The following CILP2 variants were observed in gnomAD, a reference collection of about 807,000 sequenced individuals.
CILP2 encodes the protein cartilage intermediate layer protein 2.
A neutral mutation model predicts 45.6 loss-of-function variants in CILP2; 38 were observed. The ratio of observed to expected loss-of-function variants is 0.83; its 90% CI spans 0.64 to 1.09. CILP2 has a LOEUF of 1.09. CILP2 is among the 50% of genes least tolerant of loss of function. The pLI, the probability that CILP2 is intolerant of heterozygous loss-of-function variation, is 0.00. For synonymous variants in CILP2, 780 were observed against 723.5 expected (o/e 1.08, Z -1.25); for missense variants, 1,735 against 1,662.2 (o/e 1.04, Z -0.76).
rs542758496 is a variant in CILP2, at chr19:19,539,693, G to A, written c.79G>A (p.Glu27Lys). The change falls in exon 2 of 8, where the codon GAG (glutamate) becomes AAG (lysine). Residue 27 changes from glutamate to lysine, a missense_variant. Physicochemically the swap from Glu to Lys is moderately conservative, Grantham distance 56. Coordinates refer to ENST00000291495, the MANE Select transcript of CILP2 (RefSeq NM_153221.2). ...CTCACCCACAGACGCCACCCCCACC[G>A]AGGAGCCAATGGCGACTGCACTGGG... is the stretch of plus-strand genomic sequence containing the variant. ...LAGARDATPT[E>K]EPMATALGLE... 3.0e-5 allele frequency: 48 copies of A among 1,591,430 alleles called. No individual in the cohort carries two copies. The highest frequency in any genetic ancestry group is 2.3e-4 in the East Asian group (10 of 42,714).
intron 4 of CILP2, 80 bp downstream of exon 4, chr19:19,541,326 G>A (rs1248106193): frequency 1.7e-6 from 2 of 1,188,698 alleles, no homozygotes; most frequent in Non-Finnish European, 2.1e-6. Flanking sequence ...TGGGAGAGAG[G>A]GTGGAGTTAG....
At chr19:19,539,799 T>A in intron 2 of CILP2, 22 bp downstream of exon 2, 1 of 1,543,968 alleles carries the variant, frequency 6.5e-7, no homozygotes. Flanking sequence ...TGCCTCGGAG[T>A]CCCGTCTCTG....
intron 3 of CILP2, chr19:19,540,858 C>T (rs1242787744): frequency 7.2e-6 from 3 of 417,562 alleles, no homozygotes; most frequent in African/African-American, 2.0e-5. Flanking sequence ...AGGACTGATC[C>T]CCGGGACCTT....
intron 5 of CILP2, 51 bp from the exon 6 acceptor site, chr19:19,542,813 C>T: frequency 6.4e-7 from 1 of 1,568,608 alleles, no homozygotes; most frequent in Non-Finnish European, 8.8e-7. Context: ...GACGTTGCTC[C>T]TAGGAAGGGT....
At chr19:19,542,266 T>G (rs2061247200) in intron 4 of CILP2, 109 bp from the exon 5 acceptor site, 4 of 1,316,014 alleles carry the variant, frequency 3.0e-6, no homozygotes, top group Non-Finnish European at 4.1e-6. Flanking sequence ...AGAGGCACCT[T>G]ATGGGGGGGC....
chr19:19,539,794 C>G lies in CILP2; in HGVS notation c.163+17C>G, dbSNP rs942549362. On this transcript the variant is annotated intron_variant, in intron 2 of 7. Transcript: ENST00000291495. The stretch of plus-strand genomic sequence containing the variant: ...ACTGGGAAGGTGAGTTAGCCTGCCT[C>G]GGAGTCCCGTCTCTGCTGCGGGCTT... 1 of 1,556,094 alleles carries G rather than the reference C, an allele frequency of 6.4e-7. No individual in the cohort carries two copies. The highest frequency in any genetic ancestry group is 8.7e-7 in the Non-Finnish European group (1 of 1,147,320).
At position 19,539,738 on chromosome 19, in the gene CILP2, T is replaced by C. The variant is rs1778335350; in HGVS notation, c.124T>C (p.Tyr42His). 1 of 1,606,258 alleles carries C rather than the reference T, an allele frequency of 6.2e-7. No individual in the cohort carries two copies. The highest frequency in any genetic ancestry group is 1.1e-5 in the South Asian group (1 of 90,372). ...TALGLERRSV[Y>H]TGQPSPALED... ...ACTGGGCCTGGAAAGACGGTCCGTGTACACCGGCCAGCCCTCACCAGCCCT... is the reference window on the plus strand; with the variant it reads ...ACTGGGCCTGGAAAGACGGTCCGTGCACACCGGCCAGCCCTCACCAGCCCT... The change falls in exon 2 of 8, where the codon TAC (tyrosine) becomes CAC (histidine). Residue 42 changes from tyrosine (Y) to histidine (H), a missense_variant. Transcript: ENST00000291495.
chr19:19,539,922 G>T lies in CILP2; in HGVS notation c.163+145G>T, dbSNP rs989773230. On this transcript the variant is annotated intron_variant, in intron 2 of 7. Transcript: ENST00000291495. Reference sequence around the variant, plus strand: ...GTCCCCGGACATGACAGCCCCTGGAGGTGATGCCCCAAGTTCAAGATCTAA... The same window carrying T: ...GTCCCCGGACATGACAGCCCCTGGATGTGATGCCCCAAGTTCAAGATCTAA... 1.9e-5 allele frequency: 14 copies of T among 727,494 alleles called. No individual in the cohort carries two copies. The Admixed American group carries it at 3.0e-4, about 16-fold the overall frequency. 45.1% of individuals were successfully genotyped at this position (727,494 alleles called of 1,614,324 possible). A position where few individuals can be genotyped will look rare whatever the true frequency, so the allele number is the denominator to read the frequency against.
rs1488938139 is a variant in CILP2, at chr19:19,542,403, G to C, written c.621G>C (p.Pro207=). The C allele has an allele frequency of 1.2e-5, 20 of 1,611,890 alleles. No individual in the cohort carries two copies. Among genetic ancestry groups the C allele is most frequent in the Non-Finnish European group, 1.6e-5 (19 of 1,179,706 alleles). The part of the protein sequence containing the change: ...PGCSLDTCEC[P]DHILLGSVVT... ...GCAGCCTTGACACCTGTGAATGCCCGGACCACATCCTCCTGGGCTCGGTGG... is the reference window on the plus strand; with the variant it reads ...GCAGCCTTGACACCTGTGAATGCCCCGACCACATCCTCCTGGGCTCGGTGG... Residue 207 remains proline, a synonymous_variant, in exon 5 of 8, where the codon CCG becomes CCC. Coordinates refer to ENST00000291495, the MANE Select transcript of CILP2 (RefSeq NM_153221.2).
At position 19,545,220 on chromosome 19, in the gene CILP2, T is replaced by C. The variant is rs1158640879; in HGVS notation, c.2675T>C (p.Val892Ala). 1.9e-6 allele frequency: 3 copies of C among 1,612,388 alleles called. No individual in the cohort carries two copies. The highest frequency in any genetic ancestry group is 3.3e-5 in the Admixed American group (2 of 59,978). ...CTGCGGGAATGCCAGGGGGCCCCGG[T>C]GACTGCCAGCCACTTCCGCTTCGCC... ...RSLRECQGAP[V>A]TASHFRFARV... The change falls in exon 8 of 8, where the codon GTG (valine) becomes GCG (alanine). Residue 892 changes from valine to alanine, a missense_variant. Val to Ala is a moderately conservative substitution (Grantham distance 64). Coordinates refer to ENST00000291495, the MANE Select transcript of CILP2 (RefSeq NM_153221.2).
intron 4 of CILP2, among the ~76,000 whole-genome samples, chr19:19,541,458 A>G (rs954487657): frequency 1.3e-5 from 2 of 152,004 alleles, no homozygotes; most frequent in South Asian, 2.1e-4. Flanking sequence ...GCGGGGGCGG[A>G]GCCTGGAGGA....
At position 19,544,908 on chromosome 19, in the gene CILP2, C is replaced by G. The variant is rs761404916; in HGVS notation, c.2363C>G (p.Pro788Arg). Residue 788 changes from proline to arginine, a missense_variant, in exon 8 of 8, where the codon CCC becomes CGC. By Grantham distance (103) the Pro-to-Arg change is moderately radical. Coordinates refer to ENST00000291495, the MANE Select transcript of CILP2 (RefSeq NM_153221.2). ...WGRFDSAVTG[P>R]NGACLPAFCD... The stretch of plus-strand genomic sequence containing the variant: ...CGCTTTGACAGCGCGGTCACCGGCC[C>G]CAATGGCGCCTGCCTCCCCGCCTTC... 1.3e-6 allele frequency: 2 copies of G among 1,589,414 alleles called. No individual in the cohort carries two copies. The highest frequency in any genetic ancestry group is 1.7e-6 in the Non-Finnish European group (2 of 1,175,512).
Position 19,543,919 on chromosome 19 carries a change from G to T in CILP2, c.1374G>T (p.Lys458Asn). Residue 458 changes from lysine (K) to asparagine (N), a missense_variant, in exon 8 of 8, where the codon AAG becomes AAT. Coordinates refer to ENST00000291495, the MANE Select transcript of CILP2 (RefSeq NM_153221.2). ...GCCCTGGCTACGTCCTCCCAGTGAA[G>T]GTGGTGGCAGAGTGTGGCTGCCAGA... ...IHCPGYVLPV[K>N]VVAECGCQKC... 6.2e-7 allele frequency: 1 copy of T among 1,613,676 alleles called. No homozygotes were observed. Among genetic ancestry groups the T allele is most frequent in the Non-Finnish European group, 8.5e-7 (1 of 1,179,730 alleles).
chr19:19,541,305 G>A, intron 4 of CILP2, 59 bp downstream of exon 4: 1 of 1,243,062 alleles, frequency 8.0e-7, no homozygotes, highest in Admixed American at 3.9e-5. Context: ...GGGGAGGTTA[G>A]GGGCTGAGCC....
At chr19:19,539,811 T>C in intron 2 of CILP2, 34 bp downstream of exon 2, 1 of 1,518,586 alleles carries the variant, frequency 6.6e-7, no homozygotes, top group Non-Finnish European at 8.9e-7. Flanking sequence ...CCGTCTCTGC[T>C]GCGGGCTTGT....
At chr19:19,543,477 C>G in intron 7 of CILP2, 72 bp downstream of exon 7, 1 of 1,561,588 alleles carries the variant, frequency 6.4e-7, no homozygotes, top group Non-Finnish European at 8.8e-7. Context: ...TAAGCTCAAC[C>G]CCAAATGGAG....
Position 19,540,053 on chromosome 19 carries a change from C to T in CILP2, c.164-151C>T, listed in dbSNP as rs1718036091. ...CGCGGGGAACCCAGTCTGCCCTGCA[C>T]CTGTTTCAGGCCGCTGGCTCGGGTC... is the stretch of plus-strand genomic sequence containing the variant. On this transcript the variant is annotated intron_variant, in intron 2 of 7. Transcript: ENST00000291495. 3 of 1,114,588 alleles carry T rather than the reference C, an allele frequency of 2.7e-6. No individual in the cohort carries two copies. In the South Asian group the frequency reaches 5.1e-5, roughly 19 times the overall value. 69.0% of individuals were successfully genotyped at this position (1,114,588 alleles called of 1,614,324 possible).
Position 19,541,244 on chromosome 19 carries a change from C to T in CILP2, c.590C>T (p.Pro197Leu). 4 of 1,288,110 alleles carry T rather than the reference C, an allele frequency of 3.1e-6. No individual in the cohort carries two copies. The highest frequency in any genetic ancestry group is 2.2e-4 in the Middle Eastern group (1 of 4,630). The allele number at this position is 1,288,110 out of a possible 1,614,324, so 79.8% of individuals were successfully genotyped here. Residue 197 changes from proline (P) to leucine (L), a missense_variant and splice_region_variant, in exon 4 of 8, where the codon CCA becomes CTA. By Grantham distance (98) the Pro-to-Leu change is moderately conservative (BLOSUM62 -3). Transcript: ENST00000291495. The stretch of plus-strand genomic sequence containing the variant: ...CAGAAGTGCGTGCGGCCTCGGTGTC[C>T]AGGTAGGAGGGGCGGGGTCTGGAGG... ...EAQKCVRPRC[P>L]GCSLDTCECP...
At position 19,544,656 on chromosome 19, in the gene CILP2, G is replaced by T. The variant is rs777167567; in HGVS notation, c.2111G>T (p.Gly704Val). 1 of 1,553,302 alleles carries T rather than the reference G, an allele frequency of 6.4e-7. No individual in the cohort carries two copies. The highest frequency in any genetic ancestry group is 8.6e-7 in the Non-Finnish European group (1 of 1,157,764). Residue 704 changes from glycine to valine, a missense_variant, in exon 8 of 8, where the codon GGC (glycine) becomes GTC (valine). Physicochemically the swap from Gly to Val is moderately radical, Grantham distance 109 (BLOSUM62 -3). Coordinates refer to ENST00000291495, the MANE Select transcript of CILP2 (RefSeq NM_153221.2). ...ESGFRREGSS[G>V]PRVRREERVF... ...GGCTTCCGGCGCGAGGGGTCCTCGG[G>T]CCCCCGGGTGCGCCGGGAGGAGCGC...
Sources: gnomAD v4.1 joint callset for allele counts (sites outside exome capture counted in the v4.1 genomes callset) on GRCh38, gnomAD v4.1.1 for gene constraint, MANE v1.5 for transcripts, NCBI Gene and HGNC (gene_info 2026-07-23, HGNC 2026-07-21) for gene names.